Variants in TSPEAR observed in about 807,000 individuals in gnomAD.
TSPEAR encodes thrombospondin-type laminin G domain and EAR repeat-containing protein.
Under a neutral mutation model 71.6 loss-of-function variants are expected in TSPEAR, and 69 were observed. The ratio of observed to expected loss-of-function variants is 0.96; its 90% confidence interval spans 0.79 to 1.18. TSPEAR has a LOEUF of 1.18. TSPEAR is among the 50% of genes most tolerant of loss of function. TSPEAR has a pLI of 0.00. For missense variants in TSPEAR, 971 were observed against 894.9 expected (o/e 1.09, Z -1.09); for synonymous variants, 402 against 387.2 (o/e 1.04, Z -0.45).
Position 44,685,387 on chromosome 21 carries a change from T to G in TSPEAR, c.82+26046A>C, listed in dbSNP as rs371741489. 1.1e-3 allele frequency among the ~76,000 whole-genome samples: 170 copies of G among 151,802 alleles called. 1 individual carries two copies. Among genetic ancestry groups the G allele is most frequent in the South Asian group, 8.2e-3 (39 of 4,780 alleles). On this transcript the variant is annotated intron_variant, in intron 1 of 11. Transcript: ENST00000323084. ...CACTCCTGCCCGCTGCTTCCCAAGTTCAGGGGCATCCTGGAATTTCACACC... is the reference window on the plus strand; with the variant it reads ...CACTCCTGCCCGCTGCTTCCCAAGTGCAGGGGCATCCTGGAATTTCACACC...
intron 1 of TSPEAR, chr21:44,637,580 A>G (rs377408): frequency 6.2e-5 from 100 of 1,613,756 alleles, no homozygotes; most frequent in Admixed American, 4.3e-4. Flanking sequence ...CTGCTGCCAG[A>G]CGGCCTGTGA....
intron 3 of TSPEAR, among the ~76,000 whole-genome samples, chr21:44,532,008 G>A (rs1555915825): frequency 1.3e-5 from 2 of 152,228 alleles, no homozygotes; most frequent in Non-Finnish European, 2.9e-5. Flanking sequence ...TGGCCGTGGT[G>A]AGCTCAGCTC....
intron 2 of TSPEAR, among the ~76,000 whole-genome samples, chr21:44,535,959 A>G (rs17004667): frequency 0.046 from 6,989 of 150,892 alleles, 552 homozygotes; most frequent in African/African-American, 0.16. Context: ...GTCTTTTTCC[A>G]TTGGAAGTGG....
At chr21:44,689,911 G>A (rs781973498) in intron 1 of TSPEAR, among the ~76,000 whole-genome samples, 15 of 151,352 alleles carry the variant, frequency 9.9e-5, no homozygotes, top group Non-Finnish European at 2.1e-4. Context: ...AGGCTGGGAG[G>A]CTAGGCCAGT....
At chr21:44,616,535 C>G (rs766301684) in intron 1 of TSPEAR, among the ~76,000 whole-genome samples, 9 of 152,212 alleles carry the variant, frequency 5.9e-5, no homozygotes, top group Admixed American at 1.3e-4. Flanking sequence ...CCTCCTCCTC[C>G]CTGCCAGGTG....
At chr21:44,658,332 G>A (rs1234018564) in intron 1 of TSPEAR, 5 of 1,521,316 alleles carry the variant, frequency 3.3e-6, no homozygotes, top group Non-Finnish European at 4.5e-6. Context: ...GCATCTGGTG[G>A]ACCCCCAGAT....
At chr21:44,518,018 T>A (rs2052636170) in intron 9 of TSPEAR, among the ~76,000 whole-genome samples, 1 of 152,266 alleles carries the variant, frequency 6.6e-6, no homozygotes, top group Admixed American at 6.5e-5. Flanking sequence ...CTTTTCATTC[T>A]ACATTCTAGA....
intron 9 of TSPEAR, among the ~76,000 whole-genome samples, chr21:44,513,811 A>C (rs1459605942): frequency 6.6e-6 from 1 of 152,106 alleles, no homozygotes; most frequent in Non-Finnish European, 1.5e-5. Context: ...CTCCCTCCCT[A>C]GCCACCAGAA....
chr21:44,708,937 G>A (rs1316304863), intron 1 of TSPEAR, among the ~76,000 whole-genome samples: 2 of 152,248 alleles, frequency 1.3e-5, no homozygotes, highest in South Asian at 2.1e-4. Flanking sequence ...GGGAGTGAAT[G>A]AGGAGAGCCA....
intron 1 of TSPEAR, among the ~76,000 whole-genome samples, chr21:44,667,316 G>A (rs782332913): frequency 6.6e-5 from 10 of 152,160 alleles, no homozygotes; most frequent in Non-Finnish European, 1.5e-4. Flanking sequence ...CACAGTCAAT[G>A]TGAGGTAGAA....
intron 2 of TSPEAR, among the ~76,000 whole-genome samples, chr21:44,543,356 C>G (rs1464984432): frequency 6.6e-6 from 1 of 152,158 alleles, no homozygotes; most frequent in Non-Finnish European, 1.5e-5. Context: ...ACTGCACCAT[C>G]TGAAAAATAA....
Position 44,510,408 on chromosome 21 carries a change from C to T in TSPEAR, c.1567-1022G>A, listed in dbSNP as rs114839898. ...CCAGGTAAGAAGCAGCTCTGAGAGC[C>T]TCCCGTGACAGCAACCACTGGGACG... is the stretch of plus-strand genomic sequence containing the variant. On this transcript the variant is annotated intron_variant, in intron 9 of 11. Transcript: ENST00000323084. Among the ~76,000 whole-genome samples, 1,090 of 152,330 alleles carry T rather than the reference C, an allele frequency of 7.2e-3. 7 individuals are homozygous for T. The highest frequency in any genetic ancestry group is 0.024 in the African/African-American group (1,018 of 41,580).
chr21:44,503,306 C>T (rs2052089112), intron 11 of TSPEAR, among the ~76,000 whole-genome samples: 3 of 139,222 alleles, frequency 2.2e-5, no homozygotes, highest in African/African-American at 8.1e-5. Flanking sequence ...GGAAGCAAGG[C>T]TCTGGGAGGA....
At position 44,647,215 on chromosome 21, in the gene TSPEAR, G is replaced by A. The variant is rs202157022; in HGVS notation, c.82+64218C>T. The stretch of plus-strand genomic sequence containing the variant: ...GTGCAGGTCCACCTGCTGTGTGCCC[G>A]TCTCCTCCTGCTGTGCCCCCACCTC... On this transcript the variant is annotated intron_variant, in intron 1 of 11. Coordinates refer to ENST00000323084, the MANE Select transcript of TSPEAR (RefSeq NM_144991.3). 3.2e-5 allele frequency: 52 copies of A among 1,613,130 alleles called. No individual in the cohort carries two copies. The highest frequency in any genetic ancestry group is 3.3e-5 in the South Asian group (3 of 90,980).
rs587672433 is a variant in TSPEAR at position 44,558,118 on chromosome 21, G to A, written c.303+9667C>T. The A allele has an allele frequency of 6.8e-5, 110 of 1,612,502 alleles. No individual in the cohort carries two copies. The East Asian group carries it at 1.2e-3, about 17-fold the overall frequency. On this transcript the variant is annotated intron_variant, in intron 2 of 11. Coordinates refer to ENST00000323084, the MANE Select transcript of TSPEAR (RefSeq NM_144991.3). ...GAAGAGAGGCGGGAGCACGTGGGGC[G>A]GCAGAGGAGGGACACGCAGGAGGCC... is the stretch of plus-strand genomic sequence containing the variant.
Position 44,688,000 on chromosome 21 carries a change from A to G in TSPEAR, c.82+23433T>C, listed in dbSNP as rs1327813826. Among the ~76,000 whole-genome samples the G allele has an allele frequency of 6.6e-6, 1 of 152,170 alleles. No individual in the cohort carries two copies. Among genetic ancestry groups the G allele is most frequent in the African/African-American group, 2.4e-5 (1 of 41,422 alleles). ...TGAGTGACGTGCCAGGTGCAGATCC[A>G]GGGCCGGGCGCGTGGATGCCCACTG... On this transcript the variant is annotated intron_variant, in intron 1 of 11. Transcript: ENST00000323084. The surrounding 1 kb of genome is among the most constrained non-coding windows in gnomAD (Gnocchi z 4.4).
At position 44,698,309 on chromosome 21, in the gene TSPEAR, G is replaced by A. The variant is rs567794919; in HGVS notation, c.82+13124C>T. Among the ~76,000 whole-genome samples the A allele has an allele frequency of 4.6e-5, 7 of 152,264 alleles. No individual in the cohort carries two copies. In the East Asian group the frequency reaches 1.4e-3, roughly 29 times the overall value. ...TGCTCTCTTCTTTGAGTCATTTCTGGTTGAATTGCTGACCAGCCCGACAGG... is the reference window on the plus strand; with the variant it reads ...TGCTCTCTTCTTTGAGTCATTTCTGATTGAATTGCTGACCAGCCCGACAGG... On this transcript the variant is annotated intron_variant, in intron 1 of 11. Transcript: ENST00000323084.
chr21:44,560,487 A>G (rs1555920836), intron 2 of TSPEAR, among the ~76,000 whole-genome samples: 1 of 152,240 alleles, frequency 6.6e-6, no homozygotes, highest in African/African-American at 2.4e-5. Flanking sequence ...AATGGACCTA[A>G]TAGACATCTG....
At chr21:44,542,753 A>AG (rs1289155177) in intron 2 of TSPEAR, among the ~76,000 whole-genome samples, 8 of 150,542 alleles carry the variant, frequency 5.3e-5, no homozygotes, top group South Asian at 2.1e-4. Flanking sequence ...AAAAAAAAAA[A>AG]AAAAAGAAAA....
Sources: allele counts gnomAD v4.1 joint callset (sites outside exome capture counted in the v4.1 genomes callset), GRCh38; gene constraint gnomAD v4.1.1; non-coding constraint Gnocchi (gnomAD v3.1); transcripts MANE v1.5; gene names NCBI Gene and HGNC (gene_info 2026-07-23, HGNC 2026-07-21).